GPHN: variants seen among roughly 807,000 people sequenced by gnomAD.
GPHN encodes gephyrin.
In GPHN, 17 loss-of-function variants were observed where a neutral mutation model predicts 95.5. The observed-to-expected ratio is 0.18, with a 90% CI of 0.12 to 0.27. The LOEUF is 0.27. Among genes scored for constraint, GPHN ranks in the 10% least tolerant of loss-of-function variants. The pLI, the probability that GPHN is intolerant of heterozygous loss-of-function variation, is 1.00. For synonymous variants in GPHN, 320 were observed against 322.5 expected (o/e 0.99, Z 0.08); for missense variants, 660 against 978.1 (o/e 0.67, Z 4.34).
At chr14:66,597,580 G>A (rs1306738474) in intron 1 of GPHN, among the ~76,000 whole-genome samples, 5 of 152,148 alleles carry the variant, frequency 3.3e-5, no homozygotes, top group South Asian at 2.1e-4. Context: ...AGACTCTTGC[G>A]AGACTGCAGG....
the GPHN span, chr14:67,662,615 GC>G: frequency 7.8e-7 from 1 of 1,281,684 alleles, no homozygotes. Context: ...CTTCGAATAA[GC>G]TTCCTATGGC....
At chr14:66,562,768 T>A (rs1195227784) in intron 1 of GPHN, among the ~76,000 whole-genome samples, 10 of 152,120 alleles carry the variant, frequency 6.6e-5, no homozygotes, top group Admixed American at 6.6e-4. Flanking sequence ...TTTTGGCTGA[T>A]AAGGTTCTGG....
intron 4 of GPHN, among the ~76,000 whole-genome samples, chr14:66,877,428 G>A (rs1164659295): frequency 6.6e-6 from 1 of 152,170 alleles, no homozygotes; most frequent in Non-Finnish European, 1.5e-5. Context: ...ATTCAAATAA[G>A]AAGAGAGGAA....
chr14:66,542,882 C>T (rs117080212), intron 1 of GPHN, among the ~76,000 whole-genome samples: 22 of 152,198 alleles, frequency 1.4e-4, no homozygotes, highest in Non-Finnish European at 2.6e-4. Flanking sequence ...GAAATGCCTG[C>T]GACTAGGTAA....
chr14:66,948,762 A>G (rs373104719), intron 8 of GPHN, among the ~76,000 whole-genome samples: 1 of 152,234 alleles, frequency 6.6e-6, no homozygotes, highest in African/African-American at 2.4e-5. Context: ...TGACTTATCA[A>G]ATACCTTAAT....
At chr14:66,946,730 T>G (rs1045134930) in intron 8 of GPHN, among the ~76,000 whole-genome samples, 2 of 152,294 alleles carry the variant, frequency 1.3e-5, no homozygotes, top group Middle Eastern at 3.4e-3. Context: ...AGTGAACCAG[T>G]TTTATAAGTA....
rs981625191 is a variant in GPHN at position 67,168,943 on chromosome 14, A to T, written c.1986A>T (p.Val662=). Residue 662 remains valine (V), a synonymous_variant, in exon 21 of 23, where the codon GTA becomes GTT. Coordinates refer to ENST00000478722, the MANE Select transcript of GPHN (RefSeq NM_020806.5). ...TTGGTTGACTTTCAGGGAATCCTGT[A>T]TCGGCTGTGGTCACCTGCAATCTCT... ...KIIFALPGNP[V]SAVVTCNLFV... is the part of the protein sequence containing the mutation. The T allele has an allele frequency of 3.7e-6, 6 of 1,608,104 alleles. No individual in the cohort carries two copies. The highest frequency in any genetic ancestry group is 5.1e-6 in the Non-Finnish European group (6 of 1,174,500).
the GPHN span, among the ~76,000 whole-genome samples, chr14:67,400,783 T>C: frequency 6.6e-6 from 1 of 151,528 alleles, no homozygotes; most frequent in Non-Finnish European, 1.5e-5. Context: ...AGACCAGGAG[T>C]TTGAGACTAG....
chr14:67,444,710 C>T, the GPHN span, among the ~76,000 whole-genome samples: 2 of 152,218 alleles, frequency 1.3e-5, no homozygotes, highest in Non-Finnish European at 2.9e-5. Flanking sequence ...TTTCAGTCCT[C>T]TGTCCTGACC....
At chr14:66,578,533 G>A (rs563893818) in intron 1 of GPHN, among the ~76,000 whole-genome samples, 254 of 151,080 alleles carry the variant, frequency 1.7e-3, no homozygotes, top group Non-Finnish European at 2.8e-3. Flanking sequence ...TCTCAGAAGC[G>A]TTAAGACAAA....
chr14:66,596,939 G>T (rs1295530212), intron 1 of GPHN, among the ~76,000 whole-genome samples: 1 of 152,212 alleles, frequency 6.6e-6, no homozygotes, highest in Admixed American at 6.5e-5. Flanking sequence ...GGGATTGATT[G>T]ACACCATTCC....
intron 1 of GPHN, among the ~76,000 whole-genome samples, chr14:66,533,559 C>T (rs2059023760): frequency 6.6e-6 from 1 of 152,160 alleles, no homozygotes; most frequent in South Asian, 2.1e-4. Flanking sequence ...GGAGGGATGG[C>T]ATTTTAAGGA....
chr14:67,199,281 T>G, the GPHN span: 1 of 1,603,496 alleles, frequency 6.2e-7, no homozygotes, highest in South Asian at 1.1e-5. Flanking sequence ...ATTAAGATCA[T>G]GAACATGATC....
the GPHN span, among the ~76,000 whole-genome samples, chr14:67,621,626 G>A: frequency 0.016 from 2,381 of 151,670 alleles, 68 homozygotes; most frequent in African/African-American, 0.054. Context: ...TGTATTTTTA[G>A]TAGACACGGG....
intron 8 of GPHN, among the ~76,000 whole-genome samples, chr14:66,937,939 T>C (rs1471848453): frequency 1.3e-5 from 2 of 152,176 alleles, no homozygotes; most frequent in Non-Finnish European, 2.9e-5. Context: ...CACCAAAATT[T>C]TATTCCCACA....
the GPHN span, chr14:67,729,176 C>A: frequency 1.2e-6 from 2 of 1,612,398 alleles, no homozygotes; most frequent in Non-Finnish European, 1.7e-6. Context: ...TCTAATTGTG[C>A]CCTCTTTGTC....
chr14:66,706,791 A>G (rs1390095180), intron 2 of GPHN, among the ~76,000 whole-genome samples: 2 of 152,210 alleles, frequency 1.3e-5, no homozygotes, highest in South Asian at 2.1e-4. Context: ...AGCAATTGCA[A>G]CAAAACCCAA....
At chr14:66,997,767 T>C (rs1490410011) in intron 9 of GPHN, among the ~76,000 whole-genome samples, 3 of 152,300 alleles carry the variant, frequency 2.0e-5, no homozygotes, top group Middle Eastern at 6.8e-3. Flanking sequence ...TTTTTTTCTC[T>C]TAAAACTGAT....
the GPHN span, among the ~76,000 whole-genome samples, chr14:67,601,344 G>A: frequency 2.0e-5 from 3 of 152,136 alleles, no homozygotes; most frequent in Non-Finnish European, 4.4e-5. Flanking sequence ...GAAAACAGTT[G>A]GAAGCTGGGG....
Sources: allele counts gnomAD v4.1 joint callset (sites outside exome capture counted in the v4.1 genomes callset), GRCh38; gene constraint gnomAD v4.1.1; transcripts MANE v1.5; gene names NCBI Gene and HGNC (gene_info 2026-07-23, HGNC 2026-07-21).